The following RIT2 variants were observed in gnomAD, a reference collection of about 807,000 sequenced individuals.
RIT2 encodes GTP-binding protein Rit2.
RIT2 carries 24 observed loss-of-function variants against 23.7 expected under a neutral mutation model. The observed-to-expected ratio is 1.01, with a 90% CI of 0.73 to 1.43. The LOEUF (loss-of-function observed/expected upper bound fraction) is 1.43. Ranked by LOEUF, RIT2 falls within the 40% of genes most tolerant of loss-of-function variation. The probability of loss-of-function intolerance (pLI) is 0.00; values close to 1 mark genes in which losing one functional copy is unlikely to be tolerated. For missense variants in RIT2, 236 were observed against 266.9 expected (o/e 0.88, Z 0.81); for synonymous variants, 107 against 91.1 (o/e 1.17, Z -0.99).
chr18:42,936,479 G>T (rs887451868), intron 3 of RIT2, among the ~76,000 whole-genome samples: 2 of 152,090 alleles, frequency 1.3e-5, no homozygotes, highest in African/African-American at 4.8e-5. Flanking sequence ...CAGTTTCAGA[G>T]AACTCATAAA....
intron 4 of RIT2, among the ~76,000 whole-genome samples, chr18:42,793,598 T>A (rs911384698): frequency 6.6e-6 from 1 of 152,006 alleles, no homozygotes; most frequent in South Asian, 2.1e-4. Context: ...AATAAGTGAG[T>A]ACAGTTAGAA....
chr18:42,782,798 A>C (rs528475234), intron 4 of RIT2, among the ~76,000 whole-genome samples: 4 of 152,260 alleles, frequency 2.6e-5, no homozygotes, highest in African/African-American at 9.6e-5. Flanking sequence ...TTTCAATGAC[A>C]AGACAGAGAG....
intron 4 of RIT2, among the ~76,000 whole-genome samples, chr18:42,888,128 G>A (rs1908070880): frequency 6.6e-6 from 1 of 151,964 alleles, no homozygotes; most frequent in Non-Finnish European, 1.5e-5. Context: ...AACACCGAGA[G>A]CAAACCCTAA....
chr18:43,101,044 T>A (rs1397977386), intron 1 of RIT2, among the ~76,000 whole-genome samples: 1 of 151,264 alleles, frequency 6.6e-6, no homozygotes, highest in African/African-American at 2.4e-5. Flanking sequence ...CTGTGTATAA[T>A]GTATGTGTGT....
intron 4 of RIT2, among the ~76,000 whole-genome samples, chr18:42,921,175 A>G (rs1380712240): frequency 6.6e-6 from 1 of 152,170 alleles, no homozygotes; most frequent in African/African-American, 2.4e-5. Context: ...CATTTTGCTC[A>G]GAAAAAACCA....
At chr18:42,749,416 C>A (rs1004373735) in intron 4 of RIT2, among the ~76,000 whole-genome samples, 1 of 151,228 alleles carries the variant, frequency 6.6e-6, no homozygotes, top group African/African-American at 2.4e-5. Context: ...CAAAAAGTAA[C>A]CAGAAAGCTC....
chr18:43,034,311 T>C (rs1039132307), intron 1 of RIT2, among the ~76,000 whole-genome samples: 7 of 152,190 alleles, frequency 4.6e-5, no homozygotes, highest in Admixed American at 1.3e-4. Context: ...TTACGAACTA[T>C]AAAGATATGT....
At chr18:43,088,378 G>C (rs1459117610) in intron 1 of RIT2, among the ~76,000 whole-genome samples, 1 of 152,072 alleles carries the variant, frequency 6.6e-6, no homozygotes, top group Non-Finnish European at 1.5e-5. Flanking sequence ...AGTCCACTAA[G>C]ATAGTTTAGT....
At chr18:42,929,359 T>G (rs1324303852) in intron 3 of RIT2, among the ~76,000 whole-genome samples, 1 of 152,062 alleles carries the variant, frequency 6.6e-6, no homozygotes, top group Non-Finnish European at 1.5e-5. Flanking sequence ...TGGTTTTCAA[T>G]GTAAGCCTTG....
chr18:42,935,182 C>T (rs1909421816), intron 3 of RIT2, among the ~76,000 whole-genome samples: 1 of 152,028 alleles, frequency 6.6e-6, no homozygotes, highest in Non-Finnish European at 1.5e-5. Flanking sequence ...CCCTGAGGAC[C>T]CTGTTAAGGA....
intron 2 of RIT2, among the ~76,000 whole-genome samples, chr18:43,021,706 C>G (rs773346426): frequency 6.6e-6 from 1 of 152,088 alleles, no homozygotes; most frequent in African/African-American, 2.4e-5. Flanking sequence ...CCTTCTTCCC[C>G]TTTGCCTTCC....
At chr18:42,927,395 T>G (rs1236024885) in intron 3 of RIT2, among the ~76,000 whole-genome samples, 1 of 151,656 alleles carries the variant, frequency 6.6e-6, no homozygotes, top group Non-Finnish European at 1.5e-5. Flanking sequence ...TGTGTGTGTG[T>G]GTGTGTGTGT....
intron 3 of RIT2, among the ~76,000 whole-genome samples, chr18:42,926,896 T>C (rs1909192752): frequency 6.6e-6 from 1 of 151,932 alleles, no homozygotes; most frequent in African/African-American, 2.4e-5. Context: ...ACATGACCTC[T>C]AGGACTGTTA....
At chr18:42,751,228 T>C (rs1221228001) in intron 4 of RIT2, among the ~76,000 whole-genome samples, 2 of 151,924 alleles carry the variant, frequency 1.3e-5, no homozygotes, top group Admixed American at 6.6e-5. Flanking sequence ...TCCACCAACA[T>C]AGAAAGGTAA....
chr18:42,793,463 T>C (rs977045028), intron 4 of RIT2, among the ~76,000 whole-genome samples: 1 of 152,312 alleles, frequency 6.6e-6, no homozygotes, highest in Non-Finnish European at 1.5e-5. Flanking sequence ...AATCCTATTC[T>C]GACTTCTCAG....
chr18:42,879,810 G>T (rs1386149722), intron 4 of RIT2, among the ~76,000 whole-genome samples: 1 of 152,080 alleles, frequency 6.6e-6, no homozygotes, highest in African/African-American at 2.4e-5. Flanking sequence ...AACTCTAAGT[G>T]GTTGGACAGA....
chr18:42,750,777 A>G (rs1426111483), intron 4 of RIT2, among the ~76,000 whole-genome samples: 2 of 151,906 alleles, frequency 1.3e-5, no homozygotes, highest in Non-Finnish European at 3.0e-5. Flanking sequence ...CGATATCATA[A>G]AGATAATAAA....
chr18:42,808,623 T>C (rs1251437376), intron 4 of RIT2, among the ~76,000 whole-genome samples: 1 of 152,110 alleles, frequency 6.6e-6, no homozygotes, highest in Non-Finnish European at 1.5e-5. Flanking sequence ...AGTTAACACA[T>C]TATCAGTTAA....
chr18:43,083,579 A>G (rs1420123056), intron 1 of RIT2, among the ~76,000 whole-genome samples: 2 of 152,178 alleles, frequency 1.3e-5, no homozygotes, highest in East Asian at 3.9e-4. Context: ...AGCACCATAC[A>G]TCTACAACCA....
Sources: gnomAD v4.1 joint callset for allele counts (sites outside exome capture counted in the v4.1 genomes callset) on GRCh38, gnomAD v4.1.1 for gene constraint, MANE v1.5 for transcripts, NCBI Gene and HGNC (gene_info 2026-07-23, HGNC 2026-07-21) for gene names.